The following SLC44A5 variants were observed in gnomAD, a reference collection of about 807,000 sequenced individuals.
SLC44A5 encodes solute carrier family 44 member 5, also known as choline transporter-like protein 5.
In SLC44A5, 57 loss-of-function variants were observed where a neutral mutation model predicts 101.8. The ratio of observed to expected loss-of-function variants is 0.56; its 90% CI spans 0.45 to 0.70. The LOEUF is 0.70. Ranked by LOEUF, SLC44A5 falls within the 30% of genes least tolerant of loss-of-function variation. The pLI is 0.00. For missense variants in SLC44A5, 737 were observed against 853.1 expected (o/e 0.86, Z 1.70); for synonymous variants, 281 against 290.9 (o/e 0.97, Z 0.35).
chr1:75,623,817 G>C, the SLC44A5 span, among the ~76,000 whole-genome samples: 3 of 152,082 alleles, frequency 2.0e-5, no homozygotes, highest in African/African-American at 7.2e-5. Flanking sequence ...AGTTAAATTT[G>C]CACACCACAC....
intron 3 of SLC44A5, among the ~76,000 whole-genome samples, chr1:75,355,044 T>G (rs2101087674): frequency 1.3e-5 from 2 of 152,352 alleles, no homozygotes; most frequent in East Asian, 3.9e-4. Context: ...TGTTATCAGT[T>G]ACCGTCATAA....
the SLC44A5 span, among the ~76,000 whole-genome samples, chr1:75,718,002 T>G: frequency 6.6e-6 from 1 of 152,218 alleles, no homozygotes; most frequent in Non-Finnish European, 1.5e-5. Context: ...GAGGCTTTTT[T>G]ACAAAATGAT....
At chr1:75,573,127 CAAAAAA>C (rs745593621) in intron 1 of SLC44A5, among the ~76,000 whole-genome samples, 1 of 16,688 alleles carries the variant, frequency 6.0e-5, no homozygotes, top group Non-Finnish European at 1.0e-4. Context: ...GGCTCCATCT[CAAAAAA>C]AAAAAAAAAA....
intron 7 of SLC44A5, among the ~76,000 whole-genome samples, chr1:75,243,901 G>C (rs1648880568): frequency 6.6e-6 from 1 of 152,024 alleles, no homozygotes; most frequent in African/African-American, 2.4e-5. Context: ...GTGATGATGA[G>C]TAGCTTCTTA....
In SLC44A5 at chr1:75,233,979, T is replaced by C. The variant is rs1199899468; in HGVS notation, c.853+7A>G. On this transcript the variant is annotated splice_region_variant and intron_variant, in intron 12 of 23. Coordinates refer to ENST00000370859, the MANE Select transcript of SLC44A5 (RefSeq NM_001130058.2). Reference sequence around the variant, plus strand: ...TATTTGATAATTTGAAGAGGAGTGATACCTACCATAACCTATAATTCCAAT... The same window carrying C: ...TATTTGATAATTTGAAGAGGAGTGACACCTACCATAACCTATAATTCCAAT... 4 of 1,575,274 alleles carry C rather than the reference T, an allele frequency of 2.5e-6. No homozygotes were observed. In the Admixed American group the frequency reaches 6.8e-5, roughly 27 times the overall value.
chr1:75,404,002 T>A (rs1283735584), intron 2 of SLC44A5, among the ~76,000 whole-genome samples: 1 of 151,878 alleles, frequency 6.6e-6, no homozygotes, highest in African/African-American at 2.4e-5. Context: ...GGGAAGAATA[T>A]AAATGACATG....
At chr1:75,301,951 A>G (rs564741876) in intron 4 of SLC44A5, among the ~76,000 whole-genome samples, 104 of 152,294 alleles carry the variant, frequency 6.8e-4, no homozygotes, top group African/African-American at 2.3e-3. Flanking sequence ...ACCTTGGAAT[A>G]GGAAATGGAT....
chr1:75,312,929 C>T (rs1437837857), intron 4 of SLC44A5, among the ~76,000 whole-genome samples: 1 of 152,132 alleles, frequency 6.6e-6, no homozygotes, highest in Non-Finnish European at 1.5e-5. Flanking sequence ...GTTATTAATA[C>T]ATCACTTTAC....
At chr1:75,442,055 A>G (rs1204445168) in intron 2 of SLC44A5, among the ~76,000 whole-genome samples, 1 of 152,208 alleles carries the variant, frequency 6.6e-6, no homozygotes, top group Non-Finnish European at 1.5e-5. Context: ...AAAGAATATT[A>G]CAGACACTTG....
At chr1:75,360,110 G>A (rs1431154565) in intron 3 of SLC44A5, among the ~76,000 whole-genome samples, 1 of 151,990 alleles carries the variant, frequency 6.6e-6, no homozygotes, top group Non-Finnish European at 1.5e-5. Flanking sequence ...TTTCCCACTC[G>A]CAAATTGTCT....
chr1:75,352,318 C>T (rs1002600652), intron 3 of SLC44A5, among the ~76,000 whole-genome samples: 61 of 152,132 alleles, frequency 4.0e-4, no homozygotes, highest in African/African-American at 1.4e-3. Context: ...GTATTAAGTC[C>T]AGCATCCCTT....
At chr1:75,371,137 T>C (rs1262918375) in intron 3 of SLC44A5, among the ~76,000 whole-genome samples, 1 of 152,230 alleles carries the variant, frequency 6.6e-6, no homozygotes, top group Non-Finnish European at 1.5e-5. Context: ...TCTCCATCTC[T>C]TTACGTGCAG....
chr1:75,688,799 G>C, the SLC44A5 span, among the ~76,000 whole-genome samples: 2 of 152,168 alleles, frequency 1.3e-5, no homozygotes, highest in Non-Finnish European at 2.9e-5. Flanking sequence ...CTCTAATTGA[G>C]AAGTTTTTGA....
intron 3 of SLC44A5, among the ~76,000 whole-genome samples, chr1:75,389,150 G>A (rs75925446): frequency 0.013 from 2,025 of 152,138 alleles, 51 homozygotes; most frequent in African/African-American, 0.046. Context: ...AAATATATAC[G>A]CACTCAACAC....
chr1:75,353,977 A>G (rs1296259578), intron 3 of SLC44A5: 2 of 328,250 alleles, frequency 6.1e-6, no homozygotes, highest in East Asian at 2.1e-4. Flanking sequence ...CTTCTTCCAC[A>G]TTGTATTCAC....
At chr1:75,659,446 A>AGGGG in the SLC44A5 span, among the ~76,000 whole-genome samples, 2 of 15,174 alleles carry the variant, frequency 1.3e-4, no homozygotes, top group African/African-American at 2.1e-4. Context: ...GGAGGGAGGG[A>AGGGG]AGGAAGGAAG....
intron 6 of SLC44A5, among the ~76,000 whole-genome samples, chr1:75,274,572 CTG>C (rs1353552910): frequency 6.6e-6 from 1 of 152,122 alleles, no homozygotes; most frequent in Non-Finnish European, 1.5e-5. Context: ...TCAGTAGACA[CTG>C]TGACAAAAAT....
In SLC44A5 at chr1:75,582,206, A is replaced by G. The variant is rs533269995; in HGVS notation, c.-70+28834T>C. The G allele has an allele frequency of 2.1e-5, 22 of 1,039,914 alleles. No individual in the cohort carries two copies. The East Asian group carries it at 5.2e-4, about 25-fold the overall frequency. 64.4% of individuals were successfully genotyped at this position (1,039,914 alleles called of 1,614,324 possible). A position where few individuals can be genotyped will look rare whatever the true frequency, so the allele number is the denominator to read the frequency against. ...ACGAATCTCTTAAGGGGTGGACCCC[A>G]AGTTCCTGAGGAACATGCGCTTTGC... On this transcript the variant is annotated intron_variant, in intron 1 of 23. Transcript: ENST00000370859.
chr1:75,474,948 T>A (rs1205260793), intron 2 of SLC44A5, among the ~76,000 whole-genome samples: 1 of 152,230 alleles, frequency 6.6e-6, no homozygotes, highest in Admixed American at 6.5e-5. Flanking sequence ...TACTAAGACC[T>A]CTGGTAAGAG....
Sources: allele counts gnomAD v4.1 joint callset (sites outside exome capture counted in the v4.1 genomes callset), GRCh38; gene constraint gnomAD v4.1.1; transcripts MANE v1.5; gene names NCBI Gene and HGNC (gene_info 2026-07-23, HGNC 2026-07-21).